Variants in KIAA1671 observed in about 807,000 individuals in gnomAD.
KIAA1671 encodes KIAA1671, also known as uncharacterized protein KIAA1671.
A neutral mutation model predicts 131.2 loss-of-function variants in KIAA1671; 52 were observed. The observed-to-expected ratio is 0.40, with a 90% CI of 0.32 to 0.50. KIAA1671 has a LOEUF of 0.50. KIAA1671 is among the 20% of genes least tolerant of loss of function. The pLI is 0.73. For missense variants in KIAA1671, 2,360 were observed against 2,364.2 expected, an observed-to-expected ratio of 1.00 and a Z score of 0.04; for synonymous variants, 1,003 against 961.6, an observed-to-expected ratio of 1.04 and a Z score of -0.80.
intron 11 of KIAA1671, among the ~76,000 whole-genome samples, chr22:25,187,577 C>T (rs1934521197): frequency 6.6e-6 from 1 of 152,142 alleles, no homozygotes. Flanking sequence ...AATGCAATGG[C>T]ATGATTATAG....
intron 6 of KIAA1671, among the ~76,000 whole-genome samples, chr22:25,124,307 A>G (rs1932081277): frequency 6.6e-6 from 1 of 152,254 alleles, no homozygotes; most frequent in Non-Finnish European, 1.5e-5. Context: ...TTTCTAGTCC[A>G]GAGAAGTTCT....
At chr22:25,054,840 A>C (rs1261719380) in intron 6 of KIAA1671, 1 of 149,672 alleles carries the variant, frequency 6.7e-6, no homozygotes, top group Non-Finnish European at 1.5e-5. Context: ...AAGGCTGAGC[A>C]GGTGTTTGCC....
intron 6 of KIAA1671, among the ~76,000 whole-genome samples, chr22:25,130,134 T>C (rs1478623324): frequency 6.6e-6 from 1 of 152,226 alleles, no homozygotes; most frequent in Non-Finnish European, 1.5e-5. Flanking sequence ...TTTACTGCTA[T>C]CTTATAAGAA....
chr22:25,051,320 G>A (rs1031505054), intron 6 of KIAA1671: 6 of 152,214 alleles, frequency 3.9e-5, no homozygotes, highest in Non-Finnish European at 8.8e-5. Context: ...GGGCTCTGGA[G>A]GCTGAAAGAA....
chr22:25,142,253 C>T (rs972916841), intron 6 of KIAA1671, among the ~76,000 whole-genome samples: 1 of 152,130 alleles, frequency 6.6e-6, no homozygotes, highest in Non-Finnish European at 1.5e-5. Flanking sequence ...ACTCTTAATT[C>T]GTGGGAATGT....
chr22:25,178,273 C>T (rs1273677599), intron 9 of KIAA1671, among the ~76,000 whole-genome samples: 7 of 152,170 alleles, frequency 4.6e-5, no homozygotes, highest in South Asian at 2.1e-4. Flanking sequence ...AGTCAGGCCT[C>T]GACCCACAGC....
intron 6 of KIAA1671, among the ~76,000 whole-genome samples, chr22:25,135,987 G>T (rs1444311970): frequency 6.6e-6 from 1 of 152,232 alleles, no homozygotes; most frequent in Non-Finnish European, 1.5e-5. Context: ...GCTCAGGAAG[G>T]TGAAGTGGCT....
intron 6 of KIAA1671, chr22:25,054,470 A>T (rs1927734300): frequency 6.7e-6 from 1 of 148,672 alleles, no homozygotes; most frequent in Non-Finnish European, 1.5e-5. Context: ...GCAGGGTGGG[A>T]GGTGGGTGAT....
intron 1 of KIAA1671, among the ~76,000 whole-genome samples, chr22:24,984,659 C>CAGGTAAAA (rs1450486840): frequency 1.4e-4 from 21 of 151,968 alleles, no homozygotes; most frequent in Non-Finnish European, 2.4e-4. Context: ...GGAGAAAAAG[C>CAGGTAAAA]AGGTAAAACT....
At chr22:24,974,717 G>A (rs574643195) in intron 1 of KIAA1671, among the ~76,000 whole-genome samples, 2 of 128,278 alleles carry the variant, frequency 1.6e-5, no homozygotes, top group South Asian at 5.2e-4. Flanking sequence ...TTTGAGACGG[G>A]TGTCTTGCTC....
intron 8 of KIAA1671, chr22:25,174,847 G>A: frequency 5.4e-6 from 1 of 184,132 alleles, no homozygotes. Context: ...GTCACCCTGA[G>A]GTTTATAGTT....
At chr22:25,189,949 C>G (rs1934614940) in intron 11 of KIAA1671, among the ~76,000 whole-genome samples, 1 of 152,132 alleles carries the variant, frequency 6.6e-6, no homozygotes, top group African/African-American at 2.4e-5. Flanking sequence ...TCTCATAGAA[C>G]AGATATATCG....
chr22:25,011,391 CA>C (rs1925024765), intron 1 of KIAA1671: 1 of 151,964 alleles, frequency 6.6e-6, no homozygotes. Context: ...ACAGGTGATC[CA>C]TCCACCTTGG....
chr22:25,029,610 C>A, intron 3 of KIAA1671, 70 bp downstream of exon 3: 1 of 1,186,726 alleles, frequency 8.4e-7, no homozygotes, highest in Non-Finnish European at 1.2e-6. Flanking sequence ...CGGAACCAGG[C>A]TCCATGCTGG....
chr22:25,179,414 C>G, intron 9 of KIAA1671: 2 of 1,612,716 alleles, frequency 1.2e-6, no homozygotes, highest in Non-Finnish European at 1.7e-6. Context: ...CCTCGCGGAT[C>G]TCCTTGCTGA....
rs2145805727 is a variant in KIAA1671 at position 25,039,964 on chromosome 22, A to G, written c.2834A>G (p.Asp945Gly). Residue 945 changes from aspartate to glycine, a missense_variant, in exon 5 of 13, where the codon GAC becomes GGC. Physicochemically the swap from Asp to Gly is moderately conservative, Grantham distance 94. Coordinates refer to ENST00000358431, the MANE Select transcript of KIAA1671 (RefSeq NM_001145206.2). ...GCCGGCGCCATGGACCAGAGAATGG[A>G]CAGATGGCGGCGGCGGACTTTACCC... ...RKAGAMDQRM[D>G]RWRRRTLPPN... 2 of 1,551,330 alleles carry G rather than the reference A, an allele frequency of 1.3e-6. No homozygotes were observed. The highest frequency in any genetic ancestry group is 1.7e-4 in the Middle Eastern group (1 of 5,992).
At position 25,029,484 on chromosome 22, in the gene KIAA1671, C is replaced by G; in HGVS notation, c.1485C>G (p.Pro495=). 2 of 1,550,908 alleles carry G rather than the reference C, an allele frequency of 1.3e-6. No individual in the cohort carries two copies. The highest frequency in any genetic ancestry group is 2.4e-5 in the East Asian group (1 of 40,904). ...CTGCCGAGAGCTCAGAGGCTAAGCC[C>G]GAGGTCAGGAGGAGGACGTTCCAGG... ...GWTAESSEAK[P]EVRRRTFQAR... Residue 495 remains proline, a synonymous_variant, in exon 3 of 13, where the codon CCC becomes CCG. Transcript: ENST00000358431.
chr22:25,126,641 C>T (rs1192675419), intron 6 of KIAA1671, among the ~76,000 whole-genome samples: 1 of 152,124 alleles, frequency 6.6e-6, no homozygotes, highest in African/African-American at 2.4e-5. Flanking sequence ...CCTTCCAGTT[C>T]ACTTCTTTTT....
intron 1 of KIAA1671, among the ~76,000 whole-genome samples, chr22:25,015,512 TA>T (rs1195116232): frequency 1.3e-5 from 2 of 151,940 alleles, no homozygotes; most frequent in Non-Finnish European, 2.9e-5. Flanking sequence ...AGCAGAGGGG[TA>T]AAGATAAGTT....
Sources: allele counts gnomAD v4.1 joint callset (sites outside exome capture counted in the v4.1 genomes callset), GRCh38; gene constraint gnomAD v4.1.1; transcripts MANE v1.5; gene names NCBI Gene and HGNC (gene_info 2026-07-23, HGNC 2026-07-21).